KCNN4: variants seen among roughly 807,000 people sequenced by gnomAD.
KCNN4 encodes the protein potassium calcium-activated channel subfamily N member 4.
KCNN4 carries 31 observed loss-of-function variants against 45.2 expected under a neutral mutation model. The observed-to-expected ratio is 0.69, with a 90% CI of 0.52 to 0.92. KCNN4 has a LOEUF of 0.92. Ranked by LOEUF, KCNN4 falls within the 40% of genes least tolerant of loss-of-function variation. KCNN4 has a pLI of 0.00. For missense variants in KCNN4, 463 were observed against 574.0 expected, an observed-to-expected ratio of 0.81 and a Z score of 1.98; for synonymous variants, 231 against 254.6, an observed-to-expected ratio of 0.91 and a Z score of 0.88.
rs776065708 is a variant in KCNN4, at chr19:43,776,603, T to TC, written c.192dup (p.Ile65AspfsTer168). ...AGGAGTAAGAAGGTGGAAATGCTGA[T>TC]CGTGCATTTAACCAGGAACAGGTAG... On this transcript the variant is annotated frameshift_variant, in exon 2 of 9. Transcript: ENST00000648319. LOFTEE classifies it high-confidence loss of function. 1.9e-6 allele frequency: 3 copies of TC among 1,613,818 alleles called. No homozygotes were observed. Among genetic ancestry groups the TC allele is most frequent in the Non-Finnish European group, 8.5e-7 (1 of 1,179,882 alleles).
intron 7 of KCNN4, among the ~76,000 whole-genome samples, chr19:43,768,723 CTGGGGTTCTTTGTGCAATTTTTTT>C (rs1969550607): frequency 1.3e-5 from 2 of 151,712 alleles, no homozygotes; most frequent in Admixed American, 1.3e-4. Context: ...AAACCAAACA[CTGGGGTTCTTTGTGCAATTTTTTT>C]TTTTTCAGTT....
At chr19:43,773,561 C>T (rs1197654929) in intron 3 of KCNN4, among the ~76,000 whole-genome samples, 1 of 152,190 alleles carries the variant, frequency 6.6e-6, no homozygotes, top group Non-Finnish European at 1.5e-5. Context: ...TTTTCATTTG[C>T]AAGTTCCCAG....
At position 43,780,846 on chromosome 19, in the gene KCNN4, C is replaced by T. The variant is rs1969968097; in HGVS notation, c.16G>A (p.Val6Met). The T allele has an allele frequency of 6.2e-7, 1 of 1,613,916 alleles. No individual in the cohort carries two copies. Among genetic ancestry groups the T allele is most frequent in the African/African-American group, 1.3e-5 (1 of 74,894 alleles). Reference sequence around the variant, plus strand: ...CGTCTCAAGGCCCCCAGGCCAAGCACCAGATCCCCGCCCATGGCCCCCGGG... The same window carrying T: ...CGTCTCAAGGCCCCCAGGCCAAGCATCAGATCCCCGCCCATGGCCCCCGGG... MGGDL[V>M]LGLGALRRRK... Residue 6 changes from valine to methionine, a missense_variant, in exon 1 of 9, where the codon GTG becomes ATG. Physicochemically the swap from Val to Met is conservative, Grantham distance 21 (BLOSUM62 1). Transcript: ENST00000648319.
At position 43,767,696 on chromosome 19, in the gene KCNN4, G is replaced by A. The variant is rs201505669; in HGVS notation, c.1131C>T (p.Ile377=). 1 of 1,614,168 alleles carries A rather than the reference G, an allele frequency of 6.2e-7. No individual in the cohort carries two copies. Among genetic ancestry groups the A allele is most frequent in the Non-Finnish European group, 8.5e-7 (1 of 1,180,028 alleles). The change falls in exon 8 of 9, where the codon ATC becomes ATT. Residue 377 remains isoleucine, a synonymous_variant. Coordinates refer to ENST00000648319, the MANE Select transcript of KCNN4 (RefSeq NM_002250.3). ...TCAGATTCTGCTGCAGGTCATACAG[G>A]ATCATGTGCATCTGGGTGGGAGGAG... The part of the protein sequence containing the change: ...SMVDISKMHM[I]LYDLQQNLSS...
At chr19:43,767,515 C>T (rs748742647) in intron 8 of KCNN4, 25 bp downstream of exon 8, 42 of 1,607,292 alleles carry the variant, frequency 2.6e-5, no homozygotes, top group Non-Finnish European at 3.5e-5. Context: ...AGGATGCCTT[C>T]CTGCCCAAGT....
Position 43,772,128 on chromosome 19 carries a change from C to G in KCNN4, c.691G>C (p.Val231Leu), listed in dbSNP as rs201842458. 1 of 1,613,556 alleles carries G rather than the reference C, an allele frequency of 6.2e-7. No individual in the cohort carries two copies. The highest frequency in any genetic ancestry group is 1.3e-5 in the African/African-American group (1 of 75,006). The change falls in exon 4 of 9, where the codon GTT becomes CTT. Residue 231 changes from valine to leucine, a missense_variant. Physicochemically the swap from Val to Leu is conservative, Grantham distance 32 (BLOSUM62 1). Around this residue, in one of 3 missense-constraint regions of KCNN4, gnomAD observed 109 missense variants for 183.7 expected, o/e 0.59. Coordinates refer to ENST00000648319, the MANE Select transcript of KCNN4 (RefSeq NM_002250.3). The surrounding 1 kb of genome is among the most constrained non-coding windows in gnomAD (Gnocchi z 4.4). ...TCTGAAAGGTGCCCAGTGGCATTAA[C>G]AGCCTGCCTATGGGGAAGGGTAGGT... ...WVLSVAERQA[V>L]NATGHLSDTL... is the part of the protein sequence containing the mutation.
chr19:43,776,319 A>T (rs951513089), intron 2 of KCNN4, among the ~76,000 whole-genome samples: 6 of 143,650 alleles, frequency 4.2e-5, no homozygotes, highest in Non-Finnish European at 1.5e-5. Context: ...TGAGTGTGCA[A>T]GGGGGGGCTG....
chr19:43,774,166 C>T lies in KCNN4; in HGVS notation c.683+26G>A, dbSNP rs755878232. 3 of 1,589,544 alleles carry T rather than the reference C, an allele frequency of 1.9e-6. No homozygotes were observed. The highest frequency in any genetic ancestry group is 2.3e-5 in the South Asian group (2 of 88,080). On this transcript the variant is annotated intron_variant, in intron 3 of 8. Coordinates refer to ENST00000648319, the MANE Select transcript of KCNN4 (RefSeq NM_002250.3). This position sits in a 1 kb window ranked among gnomAD's most constrained non-coding sequence, Gnocchi z 5.6. ...CGTGGCTGTCCGGGGTTCCCCCCTGCGCATTTATGCCTCCATCACCCTCAC... is the reference window on the plus strand; with the variant it reads ...CGTGGCTGTCCGGGGTTCCCCCCTGTGCATTTATGCCTCCATCACCCTCAC...
At chr19:43,773,943 G>C (rs1021701503) in intron 3 of KCNN4, among the ~76,000 whole-genome samples, 20 of 152,324 alleles carry the variant, frequency 1.3e-4, no homozygotes, top group African/African-American at 4.3e-4. Flanking sequence ...GCTTTCTAGG[G>C]TCTGTGTGTG....
chr19:43,774,114 A>G lies in KCNN4; in HGVS notation c.683+78T>C. ...CACTGCTTGGTCCTAGGGGGCCTCA[A>G]CCTGCACCGCGGCACAGGACGGCCG... On this transcript the variant is annotated intron_variant, in intron 3 of 8. Transcript: ENST00000648319. This position sits in a 1 kb window ranked among gnomAD's most constrained non-coding sequence, Gnocchi z 5.6. 2.1e-6 allele frequency: 3 copies of G among 1,438,046 alleles called. No individual in the cohort carries two copies. Among genetic ancestry groups the G allele is most frequent in the Non-Finnish European group, 2.8e-6 (3 of 1,061,160 alleles). 89.1% of individuals were successfully genotyped at this position (1,438,046 alleles called of 1,614,324 possible).
intron 2 of KCNN4, among the ~76,000 whole-genome samples, chr19:43,775,193 G>A (rs1053079720): frequency 2.2e-4 from 34 of 152,280 alleles, no homozygotes; most frequent in African/African-American, 8.2e-4. Flanking sequence ...CGGGCATGGT[G>A]GCGCACACCT....
Position 43,772,833 on chromosome 19 carries a change from C to T in KCNN4, c.684-698G>A, listed in dbSNP as rs921998382. 6.6e-6 allele frequency among the ~76,000 whole-genome samples: 1 copy of T among 152,180 alleles called. No individual in the cohort carries two copies. On this transcript the variant is annotated intron_variant, in intron 3 of 8. Transcript: ENST00000648319. This position sits in a 1 kb window ranked among gnomAD's most constrained non-coding sequence, Gnocchi z 4.4. ...ATGGAATCTGTACTGTTCACAAACC[C>T]CACCCCCTCATTCCGAAGTACATTC... is the stretch of plus-strand genomic sequence containing the variant.
At chr19:43,771,440 G>A (rs1397587919) in intron 4 of KCNN4, among the ~76,000 whole-genome samples, 1 of 152,136 alleles carries the variant, frequency 6.6e-6, no homozygotes, top group African/African-American at 2.4e-5. Context: ...GAGATCACGT[G>A]GCTCGCCTGA....
At chr19:43,767,497 C>G in intron 8 of KCNN4, 43 bp downstream of exon 8, 1 of 1,595,056 alleles carries the variant, frequency 6.3e-7, no homozygotes. Context: ...CACAGGAACC[C>G]TTCCTCCAGG....
chr19:43,770,106 G>C (rs1969602437), intron 4 of KCNN4, among the ~76,000 whole-genome samples: 1 of 152,122 alleles, frequency 6.6e-6, no homozygotes, highest in Non-Finnish European at 1.5e-5. Flanking sequence ...TGGGTTCTGA[G>C]CCAGGGGCAG....
At chr19:43,773,236 G>T (rs1244132115) in intron 3 of KCNN4, among the ~76,000 whole-genome samples, 2 of 152,252 alleles carry the variant, frequency 1.3e-5, no homozygotes, top group African/African-American at 2.4e-5. Flanking sequence ...GGCAGAGGTT[G>T]CAGGGAGCAG....
In KCNN4 at chr19:43,769,302, GGTGAGACCTGGATGTTGA is replaced by G. The variant is rs1332124489; in HGVS notation, c.1049+122_1049+139del. On this transcript the variant is annotated intron_variant, in intron 6 of 8. Coordinates refer to ENST00000648319, the MANE Select transcript of KCNN4 (RefSeq NM_002250.3). This position sits in a 1 kb window ranked among gnomAD's most constrained non-coding sequence, Gnocchi z 4.4. Reference sequence around the variant, plus strand: ...ATAGAGTCATGCACGGTCAGATCCAGGTGAGACCTGGATGTTGAGTGAGACCACACCTGGGTGTCCTGA... The same window carrying G: ...ATAGAGTCATGCACGGTCAGATCCAGGTGAGACCACACCTGGGTGTCCTGA... 9.5e-6 allele frequency: 7 copies of G among 739,102 alleles called. No homozygotes were observed. Among genetic ancestry groups the G allele is most frequent in the Non-Finnish European group, 1.4e-5 (6 of 422,490 alleles). 45.8% of individuals were successfully genotyped at this position (739,102 alleles called of 1,614,324 possible).
intron 1 of KCNN4, among the ~76,000 whole-genome samples, chr19:43,777,892 C>T (rs1033941899): frequency 6.6e-6 from 1 of 152,204 alleles, no homozygotes; most frequent in Non-Finnish European, 1.5e-5. Context: ...GGGCCAGCAT[C>T]CCGCCTCTGA....
intron 1 of KCNN4, among the ~76,000 whole-genome samples, chr19:43,777,646 C>G: frequency 6.6e-6 from 1 of 151,662 alleles, no homozygotes; most frequent in Non-Finnish European, 1.5e-5. Context: ...AGCACAGGGC[C>G]TCCAGAAACC....
Sources: gnomAD v4.1 joint callset for allele counts (sites outside exome capture counted in the v4.1 genomes callset) on GRCh38, gnomAD v4.1.1 for gene constraint, gnomAD v4.1.1 regional missense constraint, Gnocchi (gnomAD v3.1) non-coding constraint, MANE v1.5 for transcripts, NCBI Gene and HGNC (gene_info 2026-07-23, HGNC 2026-07-21) for gene names.